Variants in OLFML1 observed in about 807,000 individuals in gnomAD.
The protein encoded by OLFML1 is olfactomedin like 1.
In OLFML1, 33 loss-of-function variants were observed where a neutral mutation model predicts 37.3. The observed-to-expected ratio is 0.88, with a 90% CI of 0.67 to 1.18. The LOEUF (loss-of-function observed/expected upper bound fraction) is 1.18. OLFML1 is among the 50% of genes most tolerant of loss of function. The probability of loss-of-function intolerance (pLI) is 0.00; values close to 1 mark genes in which losing one functional copy is unlikely to be tolerated. For missense variants in OLFML1, 545 were observed against 483.7 expected (o/e 1.13, Z -1.19); for synonymous variants, 186 against 181.3 (o/e 1.03, Z -0.21).
chr11:7,503,275 G>A (rs1179794644), intron 2 of OLFML1, among the ~76,000 whole-genome samples: 2 of 152,052 alleles, frequency 1.3e-5, no homozygotes, highest in East Asian at 3.9e-4. Flanking sequence ...GGAGGCCTGA[G>A]GATAAGAGTA....
intron 2 of OLFML1, among the ~76,000 whole-genome samples, chr11:7,489,136 C>A (rs142017357): frequency 9.0e-4 from 137 of 152,282 alleles, no homozygotes; most frequent in African/African-American, 3.3e-3. Flanking sequence ...TATTTACATG[C>A]TAATTACGTC....
intron 2 of OLFML1, among the ~76,000 whole-genome samples, chr11:7,508,252 A>G (rs1189517463): frequency 6.6e-6 from 1 of 152,232 alleles, no homozygotes; most frequent in Non-Finnish European, 1.5e-5. Flanking sequence ...GAGAATCCAC[A>G]TTTTAATAAG....
At chr11:7,504,580 G>A (rs889124876) in intron 2 of OLFML1, among the ~76,000 whole-genome samples, 13 of 152,178 alleles carry the variant, frequency 8.5e-5, no homozygotes, top group African/African-American at 2.4e-4. Flanking sequence ...GTCCAGGCAG[G>A]AGATGATGTA....
intron 2 of OLFML1, among the ~76,000 whole-genome samples, chr11:7,506,714 G>A (rs139076461): frequency 1.3e-5 from 2 of 152,286 alleles, no homozygotes; most frequent in African/African-American, 4.8e-5. Flanking sequence ...TCCTAGGCCA[G>A]GGACTTGTGT....
intron 2 of OLFML1, among the ~76,000 whole-genome samples, chr11:7,495,844 C>A (rs1848656188): frequency 6.6e-6 from 1 of 152,160 alleles, no homozygotes. Context: ...TTAGAGAGTT[C>A]CACACAGCCC....
intron 2 of OLFML1, among the ~76,000 whole-genome samples, chr11:7,492,667 G>A (rs1472107339): frequency 6.6e-6 from 1 of 152,072 alleles, no homozygotes; most frequent in Admixed American, 6.5e-5. Context: ...TCCACATGAG[G>A]GTTTCAACTC....
chr11:7,503,560 GAA>G (rs1848747955), intron 2 of OLFML1, among the ~76,000 whole-genome samples: 1 of 152,202 alleles, frequency 6.6e-6, no homozygotes, highest in Non-Finnish European at 1.5e-5. Context: ...GTGGAGAACT[GAA>G]GTCTGATTAG....
intron 2 of OLFML1, among the ~76,000 whole-genome samples, chr11:7,494,257 A>G (rs1343211232): frequency 6.6e-6 from 1 of 152,236 alleles, no homozygotes; most frequent in African/African-American, 2.4e-5. Flanking sequence ...GAGGTGATGA[A>G]AGAACCAGAC....
chr11:7,489,460 G>A (rs1351427103), intron 2 of OLFML1, among the ~76,000 whole-genome samples: 1 of 151,946 alleles, frequency 6.6e-6, no homozygotes, highest in Admixed American at 6.6e-5. Context: ...AGGGAAACTA[G>A]GTTGAAGAGC....
At chr11:7,488,082 T>C (rs1244000959) in intron 1 of OLFML1, 45 bp from the exon 2 acceptor site, 3 of 1,435,260 alleles carry the variant, frequency 2.1e-6, no homozygotes, top group Non-Finnish European at 2.9e-6. Flanking sequence ...ATTTGGGTAA[T>C]TTAAATAACA....
At chr11:7,494,924 A>G (rs1403580705) in intron 2 of OLFML1, among the ~76,000 whole-genome samples, 1 of 151,630 alleles carries the variant, frequency 6.6e-6, no homozygotes, top group Admixed American at 6.6e-5. Context: ...CTGGCCAAGA[A>G]GGTCCAATTT....
chr11:7,493,946 A>G (rs1848633071), intron 2 of OLFML1, among the ~76,000 whole-genome samples: 1 of 152,244 alleles, frequency 6.6e-6, no homozygotes, highest in African/African-American at 2.4e-5. Context: ...GAAGCTGTCC[A>G]GACAAATCTG....
intron 2 of OLFML1, among the ~76,000 whole-genome samples, chr11:7,492,061 A>G (rs1441038719): frequency 6.6e-6 from 1 of 152,244 alleles, no homozygotes; most frequent in Non-Finnish European, 1.5e-5. Flanking sequence ...TCATACACTC[A>G]CAGGTCCTGC....
chr11:7,497,063 T>A (rs1848671070), intron 2 of OLFML1, among the ~76,000 whole-genome samples: 1 of 152,174 alleles, frequency 6.6e-6, no homozygotes, highest in African/African-American at 2.4e-5. Flanking sequence ...TGGCCCATTT[T>A]CATGCTTTAC....
intron 2 of OLFML1, among the ~76,000 whole-genome samples, chr11:7,493,940 C>G (rs143163046): frequency 3.9e-5 from 6 of 152,330 alleles, no homozygotes; most frequent in African/African-American, 7.2e-5. Flanking sequence ...AGGGGAGAAG[C>G]TGTCCAGACA....
intron 2 of OLFML1, among the ~76,000 whole-genome samples, chr11:7,505,533 C>G (rs146044146): frequency 1.2e-3 from 187 of 152,282 alleles, no homozygotes; most frequent in East Asian, 4.6e-3. Context: ...GCAGTCCCAA[C>G]AAGAAGTCCA....
chr11:7,495,227 C>T (rs74422660), intron 2 of OLFML1, among the ~76,000 whole-genome samples: 6,827 of 152,222 alleles, frequency 0.045, 221 homozygotes, highest in Non-Finnish European at 0.072. Flanking sequence ...TCCCATTTCT[C>T]CCTGTTTCAG....
chr11:7,486,956 G>A lies in OLFML1; in HGVS notation c.129+952G>A, dbSNP rs191782637. Among the ~76,000 whole-genome samples, 87 of 152,234 alleles carry A rather than the reference G, an allele frequency of 5.7e-4. 1 individual carries two copies. In the East Asian group the frequency reaches 0.016, roughly 28 times the overall value. ...GTGGATGAAGTGTTCCCAGACGAGC[G>A]GCCTCTTGCGCTTCTTCACTTGCTC... On this transcript the variant is annotated intron_variant, in intron 1 of 2. Transcript: ENST00000329293.
rs1347280630 is a variant in OLFML1, at chr11:7,510,150, T to C, written c.1171T>C (p.Tyr391His). The C allele has an allele frequency of 6.2e-7, 1 of 1,612,214 alleles. No homozygotes were observed. The highest frequency in any genetic ancestry group is 8.5e-7 in the Non-Finnish European group (1 of 1,179,854). The part of the protein sequence containing the change: ...YAWNEGNQII[Y>H]KLQTKRKLPL... ...CTGGAATGAAGGAAACCAGATCATT[T>C]ACAAACTCCAGACAAAGAGAAAGCT... The change falls in exon 3 of 3, where the codon TAC (tyrosine) becomes CAC (histidine). Residue 391 changes from tyrosine to histidine, a missense_variant. Tyr to His is a moderately conservative substitution (Grantham distance 83, BLOSUM62 2). Coordinates refer to ENST00000329293, the MANE Select transcript of OLFML1 (RefSeq NM_198474.4).
Sources: gnomAD v4.1 joint callset for allele counts (sites outside exome capture counted in the v4.1 genomes callset) on GRCh38, gnomAD v4.1.1 for gene constraint, MANE v1.5 for transcripts, NCBI Gene and HGNC (gene_info 2026-07-23, HGNC 2026-07-21) for gene names.